Variants in CDH3 observed in about 807,000 individuals in gnomAD.
CDH3 encodes cadherin 3, also known as cadherin-3.
A neutral mutation model predicts 82.0 loss-of-function variants in CDH3; 54 were observed. The observed-to-expected ratio is 0.66, with a 90% CI of 0.53 to 0.83. CDH3 has a LOEUF of 0.83. Ranked by LOEUF, CDH3 falls within the 40% of genes least tolerant of loss-of-function variation. CDH3 has a pLI of 0.00. For synonymous variants in CDH3, 446 were observed against 437.9 expected (o/e 1.02, Z -0.23); for missense variants, 1,054 against 1,084.6 (o/e 0.97, Z 0.40).
intron 1 of CDH3, among the ~76,000 whole-genome samples, chr16:68,719,099 G>A (rs1446954991): frequency 6.6e-6 from 1 of 151,930 alleles, no homozygotes; most frequent in African/African-American, 2.4e-5. Flanking sequence ...AAAATTAGCT[G>A]GGCGTGGTGG....
chr16:68,689,450 C>T (rs1416733082), intron 12 of CDH3, among the ~76,000 whole-genome samples: 1 of 151,880 alleles, frequency 6.6e-6, no homozygotes, highest in African/African-American at 2.4e-5. Context: ...GCAGGAGAAT[C>T]ACTTGAACCT....
intron 2 of CDH3, chr16:68,651,392 C>T (rs1567435845): frequency 2.5e-5 from 14 of 551,696 alleles, no homozygotes; most frequent in South Asian, 1.9e-4. Context: ...TGTAGAGATG[C>T]CTCCTTGTGC....
At chr16:68,693,881 C>T (rs573892160) in intron 13 of CDH3, among the ~76,000 whole-genome samples, 3 of 152,254 alleles carry the variant, frequency 2.0e-5, no homozygotes, top group South Asian at 2.1e-4. Flanking sequence ...CAGCCAGGAT[C>T]CCCAGTTGGC....
In CDH3 at chr16:68,679,853, A is replaced by G. The variant is rs1353896592; in HGVS notation, c.746A>G (p.Tyr249Cys). The change falls in exon 7 of 16, where the codon TAC becomes TGC. Residue 249 changes from tyrosine to cysteine, a missense_variant. By Grantham distance (194) the Tyr-to-Cys change is radical. Transcript: ENST00000264012. ...ATDEDDAIYT[Y>C]NGVVAYSIHS... Reference sequence around the variant, plus strand: ...GATGAGGATGATGCCATCTACACCTACAATGGGGTGGTTGCTTACTCCATC... The same window carrying G: ...GATGAGGATGATGCCATCTACACCTGCAATGGGGTGGTTGCTTACTCCATC... 1 of 1,613,548 alleles carries G rather than the reference A, an allele frequency of 6.2e-7. No homozygotes were observed. Among genetic ancestry groups the G allele is most frequent in the Non-Finnish European group, 8.5e-7 (1 of 1,179,582 alleles).
chr16:68,669,168 C>G (rs12597651), intron 2 of CDH3, among the ~76,000 whole-genome samples: 1 of 152,152 alleles, frequency 6.6e-6, no homozygotes, highest in Non-Finnish European at 1.5e-5. Context: ...CTCTTGTTTC[C>G]TGAGTTGTCA....
chr16:68,718,607 G>C (rs1200573967), intron 1 of CDH3, among the ~76,000 whole-genome samples: 1 of 151,954 alleles, frequency 6.6e-6, no homozygotes, highest in Non-Finnish European at 1.5e-5. Flanking sequence ...GCTTGAACCC[G>C]GGAGGTGGAG....
At chr16:68,703,903 T>C (rs1298843698), downstream of CDH3, among the ~76,000 whole-genome samples, 3 of 146,604 alleles carry the variant, frequency 2.0e-5, no homozygotes, top group East Asian at 2.2e-4. Context: ...GCCGAGATCG[T>C]GCCACTGCAC....
At chr16:68,690,884 G>A (rs1961549580) in intron 12 of CDH3, among the ~76,000 whole-genome samples, 1 of 152,126 alleles carries the variant, frequency 6.6e-6, no homozygotes, top group Admixed American at 6.5e-5. Flanking sequence ...TCTAGTCTGG[G>A]TGACAGAGCA....
chr16:68,696,876 A>G (rs1412735717), intron 15 of CDH3: 1 of 152,130 alleles, frequency 6.6e-6, no homozygotes, highest in Non-Finnish European at 1.5e-5. Context: ...TCCTGTTTTC[A>G]AGGTCCAGGA....
chr16:68,713,919 T>TTTATTATTATTATTATTA (rs146101205), intron 1 of CDH3, among the ~76,000 whole-genome samples: 48 of 147,532 alleles, frequency 3.3e-4, no homozygotes, highest in African/African-American at 1.1e-3. Flanking sequence ...TTTTATTCTA[T>TTTATTATTATTATTATTA]TTATTATTAT....
chr16:68,663,210 CA>C, intron 2 of CDH3, among the ~76,000 whole-genome samples: 1 of 143,672 alleles, frequency 7.0e-6, no homozygotes, highest in Non-Finnish European at 1.5e-5. Flanking sequence ...CACTGAGTTT[CA>C]AATAGGAAAG....
chr16:68,695,677 C>A, intron 14 of CDH3, 100 bp from the exon 15 acceptor site: 1 of 1,383,304 alleles, frequency 7.2e-7, no homozygotes, highest in Non-Finnish European at 1.0e-6. Flanking sequence ...CCCCATGAGC[C>A]AGAGTATCCA....
chr16:68,709,368 G>C (rs943525977), intron 1 of CDH3, among the ~76,000 whole-genome samples: 2 of 152,200 alleles, frequency 1.3e-5, no homozygotes, highest in Non-Finnish European at 2.9e-5. Context: ...CCCTGCACCC[G>C]GCGCAGAAGC....
chr16:68,655,826 C>T lies in CDH3; in HGVS notation c.160+10076C>T, dbSNP rs571444228. ...TGCAGTGAGCTGAGATTAAGCCACT[C>T]CACTCCAGCCTGGGCGACAGAGCGA... On this transcript the variant is annotated intron_variant, in intron 2 of 15. Coordinates refer to ENST00000264012, the MANE Select transcript of CDH3 (RefSeq NM_001793.6). Among the ~76,000 whole-genome samples, 11 of 152,122 alleles carry T rather than the reference C, an allele frequency of 7.2e-5. No homozygotes were observed. The East Asian group carries it at 2.1e-3, about 29-fold the overall frequency.
At chr16:68,654,741 T>G (rs912666073) in intron 2 of CDH3, among the ~76,000 whole-genome samples, 19 of 144,572 alleles carry the variant, frequency 1.3e-4, no homozygotes, top group Admixed American at 1.1e-3. Context: ...TATATTTATT[T>G]TTAAATTAGA....
intron 2 of CDH3, among the ~76,000 whole-genome samples, chr16:68,663,321 C>G (rs1282539378): frequency 6.6e-6 from 1 of 151,454 alleles, no homozygotes; most frequent in Non-Finnish European, 1.5e-5. Flanking sequence ...GTCTCTGCCT[C>G]CCGGGTTCAC....
At chr16:68,728,714 T>A (rs188436210), downstream of CDH3, among the ~76,000 whole-genome samples, 1 of 152,074 alleles carries the variant, frequency 6.6e-6, no homozygotes, top group Non-Finnish European at 1.5e-5. Context: ...AGCTAATGGA[T>A]GGGAACAGCC....
chr16:68,662,125 T>C (rs1211462027), intron 2 of CDH3, among the ~76,000 whole-genome samples: 1 of 152,142 alleles, frequency 6.6e-6, no homozygotes, highest in African/African-American at 2.4e-5. Flanking sequence ...AAAAAGTAAC[T>C]GTTGAATTGG....
chr16:68,670,441 G>C (rs1403972448), intron 2 of CDH3, among the ~76,000 whole-genome samples: 1 of 152,006 alleles, frequency 6.6e-6, no homozygotes, highest in Non-Finnish European at 1.5e-5. Flanking sequence ...GTAAGGTTCT[G>C]GGGGTCTACA....
Sources: gnomAD v4.1 joint callset for allele counts (sites outside exome capture counted in the v4.1 genomes callset) on GRCh38, gnomAD v4.1.1 for gene constraint, MANE v1.5 for transcripts, NCBI Gene and HGNC (gene_info 2026-07-23, HGNC 2026-07-21) for gene names.